The following SCML4 variants were observed in gnomAD, a reference collection of about 807,000 sequenced individuals.
SCML4 encodes the protein Scm polycomb group protein like 4, also known as sex comb on midleg-like protein 4.
Under a neutral mutation model 41.1 loss-of-function variants are expected in SCML4, and 34 were observed. That is an observed-to-expected ratio of 0.83 (90% CI 0.63 to 1.10). The LOEUF (loss-of-function observed/expected upper bound fraction) is 1.10. SCML4 is among the 50% of genes least tolerant of loss of function. The pLI, the probability that SCML4 is intolerant of heterozygous loss-of-function variation, is 0.00. For synonymous variants in SCML4, 214 were observed against 220.9 expected (o/e 0.97, Z 0.28); for missense variants, 522 against 534.1 (o/e 0.98, Z 0.22).
intron 2 of SCML4, among the ~76,000 whole-genome samples, chr6:107,769,536 C>T (rs1033607132): frequency 2.0e-5 from 3 of 152,252 alleles, no homozygotes; most frequent in African/African-American, 7.2e-5. Flanking sequence ...CCAGCATAGA[C>T]TTGTTATACA....
chr6:107,732,695 T>C (rs769051866), intron 5 of SCML4, among the ~76,000 whole-genome samples: 84 of 152,132 alleles, frequency 5.5e-4, no homozygotes, highest in Non-Finnish European at 1.1e-3. Flanking sequence ...ACCCTCCATA[T>C]GATCTCGCAG....
At chr6:107,785,337 G>T (rs1288516916) in intron 1 of SCML4, among the ~76,000 whole-genome samples, 1 of 152,196 alleles carries the variant, frequency 6.6e-6, no homozygotes, top group African/African-American at 2.4e-5. Flanking sequence ...CAAGGTGACT[G>T]CGATCCGAGT....
rs1465464863 is a variant in SCML4, at chr6:107,745,060, T to C, written c.571A>G (p.Lys191Glu). The change falls in exon 5 of 8, where the codon AAG becomes GAG. Residue 191 changes from lysine (K) to glutamate (E), a missense_variant. Physicochemically the swap from Lys to Glu is moderately conservative, Grantham distance 56. Transcript: ENST00000369020. ...TCGCACAGGAGGCTTCGGCACAGCT[T>C]GGCGAGGAAGCGGAGGACATAGCCG... is the stretch of plus-strand genomic sequence containing the variant. ...SIGYVLRFLA[K>E]LCRSLLCDDL... 6.2e-7 allele frequency: 1 copy of C among 1,614,012 alleles called. No homozygotes were observed. Among genetic ancestry groups the C allele is most frequent in the Admixed American group, 1.7e-5 (1 of 60,018 alleles).
intron 1 of SCML4, among the ~76,000 whole-genome samples, chr6:107,780,843 TGAG>T (rs1781431426): frequency 1.3e-5 from 2 of 152,226 alleles, no homozygotes; most frequent in African/African-American, 4.8e-5. Flanking sequence ...AAGATAATTT[TGAG>T]AATATCATCG....
intron 1 of SCML4, among the ~76,000 whole-genome samples, chr6:107,788,556 C>T (rs147744949): frequency 2.8e-4 from 43 of 152,322 alleles, no homozygotes; most frequent in African/African-American, 9.9e-4. Context: ...AAGAAATACA[C>T]CCATCCAGAC....
the SCML4 span, among the ~76,000 whole-genome samples, chr6:107,838,742 A>T: frequency 2.6e-5 from 4 of 152,218 alleles, no homozygotes; most frequent in African/African-American, 9.6e-5. Context: ...GTTTGGGGAT[A>T]AATTTGTGAT....
rs1423438343 is a variant in SCML4 at position 107,746,737 on chromosome 6, G to T, written c.439C>A (p.Leu147Met). Reference sequence around the variant, plus strand: ...CCCTGCTTGACCAGGGAGAAGACCAGCTTCTGCTGGTGGGCGCAGTCGATG... The same window carrying T: ...CCCTGCTTGACCAGGGAGAAGACCATCTTCTGCTGGTGGGCGCAGTCGATG... The part of the protein sequence containing the change: ...ACIDCAHQQK[L>M]VFSLVKQGYG... The change falls in exon 4 of 8, where the codon CTG becomes ATG. Residue 147 changes from leucine to methionine, a missense_variant. Transcript: ENST00000369020. 2 of 1,614,066 alleles carry T rather than the reference G, an allele frequency of 1.2e-6. No individual in the cohort carries two copies. Among genetic ancestry groups the T allele is most frequent in the African/African-American group, 2.7e-5 (2 of 74,932 alleles).
chr6:107,826,289 GAAAAGAAAGAAAAGA>G (rs1433225630), upstream of SCML4, among the ~76,000 whole-genome samples: 2 of 130,964 alleles, frequency 1.5e-5, no homozygotes, highest in Non-Finnish European at 3.0e-5. Context: ...GAAAAGAAAA[GAAAAGAAAGAAAAGA>G]AAAAGAAGAA....
rs1358683718 is a variant in SCML4, at chr6:107,704,613, CA to C, written c.*586del. 3 of 157,072 alleles carry C rather than the reference CA, an allele frequency of 1.9e-5. No individual in the cohort carries two copies. The highest frequency in any genetic ancestry group is 4.8e-5 in the African/African-American group (2 of 41,430). The allele number at this position is 157,072 out of a possible 1,614,324, so 9.7% of individuals were successfully genotyped here. On this transcript the variant is annotated 3_prime_UTR_variant, in exon 8 of 8. Coordinates refer to ENST00000369020, the MANE Select transcript of SCML4 (RefSeq NM_198081.5). Reference sequence around the variant, plus strand: ...AGCAGTCTGCCCTCTAGCGGAGAAACACAGTACTTCAGATTTTCTAGGAACA... The same window carrying C: ...AGCAGTCTGCCCTCTAGCGGAGAAACCAGTACTTCAGATTTTCTAGGAACA...
chr6:107,715,645 C>G (rs1774700503), intron 6 of SCML4, among the ~76,000 whole-genome samples: 2 of 152,126 alleles, frequency 1.3e-5, no homozygotes, highest in South Asian at 4.2e-4. Flanking sequence ...CAGCAGACAC[C>G]AGGAAAATGT....
chr6:107,783,781 T>C (rs184211492), intron 1 of SCML4, among the ~76,000 whole-genome samples: 115 of 152,342 alleles, frequency 7.5e-4, no homozygotes, highest in African/African-American at 2.6e-3. Flanking sequence ...AGTTTGGAGG[T>C]AGAGGTTGGG....
At chr6:107,745,275 G>C in intron 4 of SCML4, 132 bp from the exon 5 acceptor site, 1 of 663,160 alleles carries the variant, frequency 1.5e-6, no homozygotes, top group Non-Finnish European at 2.5e-6. Flanking sequence ...GATTTCACCT[G>C]TTTGTTCACA....
At chr6:107,834,166 T>C in the SCML4 span, among the ~76,000 whole-genome samples, 5 of 152,078 alleles carry the variant, frequency 3.3e-5, no homozygotes, top group African/African-American at 7.2e-5. Context: ...GTTCACCCCA[T>C]AGAACCCAGA....
In SCML4 at chr6:107,709,492, C is replaced by T. The variant is rs1774026222; in HGVS notation, c.974-1481G>A. Among the ~76,000 whole-genome samples, 3 of 152,230 alleles carry T rather than the reference C, an allele frequency of 2.0e-5. No homozygotes were observed. In the South Asian group the frequency reaches 6.2e-4, roughly 31 times the overall value. On this transcript the variant is annotated intron_variant, in intron 6 of 7. Transcript: ENST00000369020. Reference sequence around the variant, plus strand: ...CTACCTTCCCCACATCCCTGCTCTCCTGTGCACCACCTGTCTGTCTGGGTA... The same window carrying T: ...CTACCTTCCCCACATCCCTGCTCTCTTGTGCACCACCTGTCTGTCTGGGTA...
rs920925802 is a variant in SCML4 at position 107,793,436 on chromosome 6, A to G, written c.-59-21050T>C. On this transcript the variant is annotated intron_variant, in intron 1 of 7. Coordinates refer to ENST00000369020, the MANE Select transcript of SCML4 (RefSeq NM_198081.5). ...ACTGGGAAGCGTACAGGACAAACAA[A>G]TGCTTAAAACAAGCTGAACACCTGC... Among the ~76,000 whole-genome samples, 15 of 152,314 alleles carry G rather than the reference A, an allele frequency of 9.8e-5. No homozygotes were observed. The East Asian group carries it at 1.9e-3, about 20-fold the overall frequency.
At chr6:107,724,952 A>C (rs1488089565) in intron 5 of SCML4, among the ~76,000 whole-genome samples, 1 of 152,236 alleles carries the variant, frequency 6.6e-6, no homozygotes, top group Non-Finnish European at 1.5e-5. Context: ...AGAAAGACAA[A>C]TATCACATGT....
At chr6:107,792,131 G>A (rs1385021596) in intron 1 of SCML4, among the ~76,000 whole-genome samples, 3 of 152,318 alleles carry the variant, frequency 2.0e-5, no homozygotes, top group South Asian at 2.1e-4. Flanking sequence ...TCATGGATCA[G>A]ATAGGAACAC....
chr6:107,718,409 C>T (rs73762042), intron 6 of SCML4: 2,062 of 154,320 alleles, frequency 0.013, 51 homozygotes, highest in African/African-American at 0.047. Flanking sequence ...AACTGTGAGT[C>T]CATTAAGCGT....
At chr6:107,760,023 T>C (rs915351929) in intron 2 of SCML4, among the ~76,000 whole-genome samples, 14 of 152,206 alleles carry the variant, frequency 9.2e-5, no homozygotes, top group African/African-American at 3.4e-4. Flanking sequence ...TTAAATGGGT[T>C]ACAGTTGTTG....
Sources: allele counts gnomAD v4.1 joint callset (sites outside exome capture counted in the v4.1 genomes callset), GRCh38; gene constraint gnomAD v4.1.1; transcripts MANE v1.5; gene names NCBI Gene and HGNC (gene_info 2026-07-23, HGNC 2026-07-21).